Variants in SLC5A12 observed in about 807,000 individuals in gnomAD.
The protein encoded by SLC5A12 is sodium-coupled monocarboxylate transporter 2.
In SLC5A12, 46 loss-of-function variants were observed where a neutral mutation model predicts 72.7. That is an observed-to-expected ratio of 0.63 (90% confidence interval 0.50 to 0.81). The LOEUF is 0.81. SLC5A12 is among the 30% of genes least tolerant of loss of function. The probability of loss-of-function intolerance (pLI) is 0.00; values close to 1 mark genes in which losing one functional copy is unlikely to be tolerated. For missense variants in SLC5A12, 683 were observed against 740.7 expected (o/e 0.92, Z 0.90); for synonymous variants, 275 against 264.4 (o/e 1.04, Z -0.39).
intron 4 of SLC5A12, among the ~76,000 whole-genome samples, chr11:26,705,785 G>A (rs539741939): frequency 6.6e-6 from 1 of 152,128 alleles, no homozygotes; most frequent in South Asian, 2.1e-4. Context: ...GGCATTGGTT[G>A]TGCAGAAATC....
At chr11:26,704,810 A>G (rs1855046416) in intron 4 of SLC5A12, among the ~76,000 whole-genome samples, 1 of 152,116 alleles carries the variant, frequency 6.6e-6, no homozygotes, top group African/African-American at 2.4e-5. Flanking sequence ...GGCTTGCACA[A>G]CTAGAAACAC....
At chr11:26,712,522 G>A (rs544461376) in intron 2 of SLC5A12, 119 bp downstream of exon 2, 3 of 552,436 alleles carry the variant, frequency 5.4e-6, no homozygotes, top group Admixed American at 5.7e-5. Flanking sequence ...ATCTTTGGAA[G>A]AAAGTAGCGT....
intron 10 of SLC5A12, among the ~76,000 whole-genome samples, chr11:26,684,664 C>G (rs1414863574): frequency 6.6e-6 from 1 of 152,132 alleles, no homozygotes; most frequent in Non-Finnish European, 1.5e-5. Flanking sequence ...GAGGGCATCA[C>G]TCACGACTTC....
intron 14 of SLC5A12, among the ~76,000 whole-genome samples, chr11:26,672,046 A>G (rs1854155552): frequency 6.6e-6 from 1 of 152,118 alleles, no homozygotes; most frequent in South Asian, 2.1e-4. Flanking sequence ...ATGTTTTCCA[A>G]TTTTAAATTC....
At chr11:26,703,425 TACACAC>T (rs10594778) in intron 6 of SLC5A12, 100 bp downstream of exon 6, 9 of 882,088 alleles carry the variant, frequency 1.0e-5, no homozygotes, top group African/African-American at 3.8e-5. Flanking sequence ...CACACATACA[TACACAC>T]ACACACACAC....
At position 26,688,881 on chromosome 11, in the gene SLC5A12, A is replaced by C. The variant is rs562139068; in HGVS notation, c.1154-2337T>G. Among the ~76,000 whole-genome samples the C allele has an allele frequency of 1.6e-3, 239 of 152,290 alleles. 2 individuals are homozygous for C. Among genetic ancestry groups the C allele is most frequent in the African/African-American group, 2.6e-3 (108 of 41,556 alleles). On this transcript the variant is annotated intron_variant, in intron 9 of 14. Coordinates refer to ENST00000396005, the MANE Select transcript of SLC5A12 (RefSeq NM_178498.4). ...AAAGAGAAATGGAAACACGTACACA[A>C]GAAGACTTGTGCAAGAGTATTCATA...
chr11:26,680,687 T>A (rs1854390277), intron 12 of SLC5A12, among the ~76,000 whole-genome samples: 1 of 152,080 alleles, frequency 6.6e-6, no homozygotes, highest in Non-Finnish European at 1.5e-5. Context: ...TGCTCCTAAC[T>A]CAGCTTGCCC....
intron 4 of SLC5A12, among the ~76,000 whole-genome samples, chr11:26,705,899 C>T (rs980787777): frequency 2.8e-5 from 4 of 141,932 alleles, no homozygotes; most frequent in Admixed American, 2.1e-4. Context: ...CTTCATACAG[C>T]GAGTCCTCAC....
At chr11:26,683,653 C>T in intron 11 of SLC5A12, 104 bp downstream of exon 11, 1 of 883,106 alleles carries the variant, frequency 1.1e-6, no homozygotes, top group Non-Finnish European at 1.8e-6. Flanking sequence ...GGATTCTTTT[C>T]CTGGCTAAGA....
chr11:26,671,440 G>T (rs1311187641), intron 14 of SLC5A12, among the ~76,000 whole-genome samples, 189 bp from the exon 15 acceptor site: 1 of 152,080 alleles, frequency 6.6e-6, no homozygotes, highest in Admixed American at 6.6e-5. Flanking sequence ...TATTTCTAAT[G>T]ATAATAACAG....
At chr11:26,716,676 GC>G (rs1334442174) in intron 1 of SLC5A12, among the ~76,000 whole-genome samples, 1 of 152,020 alleles carries the variant, frequency 6.6e-6, no homozygotes, top group Non-Finnish European at 1.5e-5. Context: ...CATAGAGCCA[GC>G]CTTTACTCCT....
At position 26,671,206 on chromosome 11, in the gene SLC5A12, C is replaced by G. The variant is rs376683503; in HGVS notation, c.1753G>C (p.Val585Leu). The G allele has an allele frequency of 9.9e-6, 16 of 1,608,948 alleles. No individual in the cohort carries two copies. Among genetic ancestry groups the G allele is most frequent in the African/African-American group, 2.7e-5 (2 of 74,610 alleles). The change falls in exon 15 of 15, where the codon GTC becomes CTC. Residue 585 changes from valine (V) to leucine (L), a missense_variant. Val to Leu is a conservative substitution (Grantham distance 32, BLOSUM62 1). Coordinates refer to ENST00000396005, the MANE Select transcript of SLC5A12 (RefSeq NM_178498.4). ...TCTCTTCTGAGTCCGTTCTGTAAGA[C>G]AGATTCAGCCCCCTGTTTCCGGGCA... ...GSARKQGAES[V>L]LQNGLRRESL...
intron 2 of SLC5A12, among the ~76,000 whole-genome samples, chr11:26,711,722 G>T (rs1400249612): frequency 6.6e-6 from 1 of 152,030 alleles, no homozygotes; most frequent in East Asian, 1.9e-4. Flanking sequence ...ACTTCATGAG[G>T]AGCTTTACTA....
chr11:26,721,715 AT>A lies in SLC5A12; in HGVS notation c.-2del, dbSNP rs1855486439. 6.2e-7 allele frequency: 1 copy of A among 1,610,678 alleles called. No individual in the cohort carries two copies. On this transcript the variant is annotated 5_prime_UTR_variant, in exon 1 of 15. Transcript: ENST00000396005. ...AAACTGCAAAGTTCTTCACCTCCAT[AT>A]TGGAAAGTATGACACCAGAGAGTTT...
intron 10 of SLC5A12, 62 bp downstream of exon 10, chr11:26,686,415 A>G: frequency 6.8e-7 from 1 of 1,480,132 alleles, no homozygotes; most frequent in Non-Finnish European, 9.4e-7. Flanking sequence ...GAAGCAAGAC[A>G]TTAAAAGAGA....
intron 8 of SLC5A12, among the ~76,000 whole-genome samples, chr11:26,693,240 A>G (rs1463001433): frequency 1.3e-5 from 2 of 152,216 alleles, no homozygotes. Context: ...AGGCACTGGG[A>G]AAATCCATGC....
intron 4 of SLC5A12, among the ~76,000 whole-genome samples, chr11:26,706,567 T>C (rs1855094363): frequency 6.6e-6 from 1 of 151,934 alleles, no homozygotes; most frequent in Non-Finnish European, 1.5e-5. Context: ...CTTTGATGAA[T>C]TGAGGGTTGC....
At chr11:26,700,819 G>A (rs1233474695) in intron 6 of SLC5A12, among the ~76,000 whole-genome samples, 4 of 152,178 alleles carry the variant, frequency 2.6e-5, no homozygotes, top group Non-Finnish European at 5.9e-5. Flanking sequence ...TGTCTTTGGT[G>A]ACTAATCACA....
At position 26,673,422 on chromosome 11, in the gene SLC5A12, G is replaced by T. The variant is rs1260657595; in HGVS notation, c.1687C>A (p.His563Asn). ...YKTLCWCGVQHDSGTEQENLE... is the reference protein window; with the variant it reads ...YKTLCWCGVQNDSGTEQENLE... ...CTCACCTGCTCTGTCCCACTGTCAT[G>T]CTGAACTCCACACCAGCATAGTGTT... The change falls in exon 14 of 15, where the codon CAT (histidine) becomes AAT (asparagine). Residue 563 changes from histidine to asparagine, a missense_variant. By Grantham distance (68) the His-to-Asn change is moderately conservative (BLOSUM62 1). Transcript: ENST00000396005. 6.2e-7 allele frequency: 1 copy of T among 1,605,384 alleles called. No individual in the cohort carries two copies. The highest frequency in any genetic ancestry group is 1.7e-5 in the Admixed American group (1 of 58,850).
Sources: allele counts gnomAD v4.1 joint callset (sites outside exome capture counted in the v4.1 genomes callset), GRCh38; gene constraint gnomAD v4.1.1; transcripts MANE v1.5; gene names NCBI Gene and HGNC (gene_info 2026-07-23, HGNC 2026-07-21).